The following VRK2 variants were observed in gnomAD, a reference collection of about 807,000 sequenced individuals.
VRK2 encodes the protein serine/threonine-protein kinase VRK2.
In VRK2, 60 loss-of-function variants were observed where a neutral mutation model predicts 57.6. The ratio of observed to expected loss-of-function variants is 1.04; its 90% confidence interval spans 0.85 to 1.29. The LOEUF (loss-of-function observed/expected upper bound fraction) is 1.29, where lower values mean the gene tolerates loss of function less well. Among genes scored for constraint, VRK2 ranks in the 50% most tolerant of loss-of-function variants. The pLI is 0.00. For missense variants in VRK2, 705 were observed against 588.1 expected (o/e 1.20, Z -2.06); for synonymous variants, 231 against 199.2 (o/e 1.16, Z -1.35).
chr2:57,920,837 G>T (rs1204121722), intron 1 of VRK2, among the ~76,000 whole-genome samples: 3 of 152,074 alleles, frequency 2.0e-5, no homozygotes, highest in African/African-American at 7.2e-5. Context: ...GGTGTAGGTG[G>T]CTGCCTCAAT....
intron 3 of VRK2, among the ~76,000 whole-genome samples, chr2:58,035,533 A>G (rs1157883021): frequency 6.6e-6 from 1 of 152,018 alleles, no homozygotes; most frequent in African/African-American, 2.4e-5. Context: ...CTCGAGTAAC[A>G]TTTGCATTTC....
intron 1 of VRK2, among the ~76,000 whole-genome samples, chr2:57,994,729 T>C (rs2104092914): frequency 6.6e-6 from 1 of 151,950 alleles, no homozygotes; most frequent in South Asian, 2.1e-4. Flanking sequence ...TTTCAATATT[T>C]GCTATTTTAC....
chr2:58,086,990 G>T (rs777943467), intron 5 of VRK2, among the ~76,000 whole-genome samples: 3 of 152,172 alleles, frequency 2.0e-5, no homozygotes. Context: ...GGTCCTGAGA[G>T]AGGAGAATTC....
At chr2:58,047,539 A>T (rs1675024433) in intron 1 of VRK2, 2 of 747,652 alleles carry the variant, frequency 2.7e-6, no homozygotes, top group South Asian at 1.2e-4. Context: ...AAGTGTATTT[A>T]TCTTTTTTAT....
At chr2:58,072,244 A>T (rs895687730) in intron 2 of VRK2, among the ~76,000 whole-genome samples, 1 of 151,912 alleles carries the variant, frequency 6.6e-6, no homozygotes, top group African/African-American at 2.4e-5. Context: ...CTTCCTTTGC[A>T]ATCTGTTTAC....
chr2:57,967,104 A>G (rs1671942978), intron 1 of VRK2, among the ~76,000 whole-genome samples: 2 of 152,152 alleles, frequency 1.3e-5, no homozygotes, highest in Admixed American at 1.3e-4. Context: ...ATATAAATGT[A>G]TTATCAAACT....
chr2:57,962,518 C>T (rs562702876), intron 1 of VRK2, among the ~76,000 whole-genome samples: 2 of 152,080 alleles, frequency 1.3e-5, no homozygotes, highest in African/African-American at 4.8e-5. Flanking sequence ...AATTAGTCAC[C>T]TAGGTAATAA....
intron 3 of VRK2, among the ~76,000 whole-genome samples, chr2:58,038,033 A>G (rs968315834): frequency 1.3e-5 from 2 of 152,120 alleles, no homozygotes; most frequent in Admixed American, 1.3e-4. Flanking sequence ...TGACACCCCA[A>G]AATATGCCAC....
At chr2:58,012,385 C>G (rs897033978) in intron 1 of VRK2, among the ~76,000 whole-genome samples, 25 of 152,284 alleles carry the variant, frequency 1.6e-4, no homozygotes, top group African/African-American at 5.8e-4. Flanking sequence ...GATTGGGACC[C>G]CTTTCCTGTA....
chr2:58,090,420 A>G (rs962953387), intron 7 of VRK2, among the ~76,000 whole-genome samples: 3 of 151,960 alleles, frequency 2.0e-5, no homozygotes, highest in Non-Finnish European at 1.5e-5. Flanking sequence ...AAAAAAAAAA[A>G]AGTTTTAAGC....
chr2:58,062,687 C>A (rs1284724316), intron 2 of VRK2, among the ~76,000 whole-genome samples: 1 of 152,068 alleles, frequency 6.6e-6, no homozygotes, highest in Non-Finnish European at 1.5e-5. Context: ...CTCTTCCATT[C>A]TGGGAAAGCT....
intron 1 of VRK2, chr2:58,047,377 G>A (rs1674983878): frequency 2.0e-6 from 2 of 976,068 alleles, no homozygotes; most frequent in Admixed American, 6.2e-5. Flanking sequence ...CCCTGGGAAG[G>A]TACCCAGAAG....
intron 9 of VRK2, among the ~76,000 whole-genome samples, chr2:58,134,908 C>G (rs1558681240): frequency 6.6e-6 from 1 of 152,106 alleles, no homozygotes; most frequent in Admixed American, 6.5e-5. Flanking sequence ...AGAGATCACA[C>G]CTTTCTGCCC....
intron 11 of VRK2, among the ~76,000 whole-genome samples, 156 bp from the exon 12 acceptor site, chr2:58,146,160 A>G (rs1322448121): frequency 6.6e-6 from 1 of 152,028 alleles, no homozygotes; most frequent in Non-Finnish European, 1.5e-5. Flanking sequence ...GCCAACGACT[A>G]TAGTTTTTCT....
chr2:58,040,512 C>A (rs1332375952), intron 3 of VRK2, among the ~76,000 whole-genome samples: 1 of 152,158 alleles, frequency 6.6e-6, no homozygotes, highest in Non-Finnish European at 1.5e-5. Context: ...CATTTGTTAG[C>A]CCCTGTAGTG....
chr2:57,979,665 G>T (rs1262455331), intron 1 of VRK2, among the ~76,000 whole-genome samples: 1 of 152,018 alleles, frequency 6.6e-6, no homozygotes, highest in Non-Finnish European at 1.5e-5. Context: ...GAATATGTCT[G>T]GTCCAGGGAT....
At chr2:58,015,915 C>A (rs1246712805) in intron 1 of VRK2, among the ~76,000 whole-genome samples, 2 of 151,776 alleles carry the variant, frequency 1.3e-5, no homozygotes, top group East Asian at 3.8e-4. Context: ...AATTCTGAGG[C>A]AAATTTGATT....
At chr2:57,962,654 T>C (rs1024320472) in intron 1 of VRK2, among the ~76,000 whole-genome samples, 8 of 152,216 alleles carry the variant, frequency 5.3e-5, no homozygotes, top group Non-Finnish European at 8.8e-5. Flanking sequence ...CTCCAATCTA[T>C]AAATGAGAAC....
intron 1 of VRK2, among the ~76,000 whole-genome samples, chr2:57,951,708 G>A (rs1231952078): frequency 6.6e-6 from 1 of 152,094 alleles, no homozygotes; most frequent in Non-Finnish European, 1.5e-5. Context: ...AAACAATTAT[G>A]ACTTGCTGAA....
Sources: gnomAD v4.1 joint callset for allele counts (sites outside exome capture counted in the v4.1 genomes callset) on GRCh38, gnomAD v4.1.1 for gene constraint, MANE v1.5 for transcripts, NCBI Gene and HGNC (gene_info 2026-07-23, HGNC 2026-07-21) for gene names.